Variants in HSD17B12 observed in about 807,000 individuals in gnomAD.
HSD17B12 encodes the protein hydroxysteroid 17-beta dehydrogenase 12.
HSD17B12 carries 32 observed loss-of-function variants against 39.3 expected under a neutral mutation model. That is an observed-to-expected ratio of 0.81 (90% confidence interval 0.61 to 1.09). The LOEUF is 1.09. HSD17B12 is among the 50% of genes least tolerant of loss of function. The pLI, the probability that HSD17B12 is intolerant of heterozygous loss-of-function variation, is 0.00. For missense variants in HSD17B12, 342 were observed against 382.9 expected (o/e 0.89, Z 0.89); for synonymous variants, 150 against 146.7 (o/e 1.02, Z -0.16).
chr11:43,635,722 A>G, the HSD17B12 span, among the ~76,000 whole-genome samples: 23 of 152,328 alleles, frequency 1.5e-4, no homozygotes, highest in African/African-American at 4.8e-4. Context: ...AAGTTTTGAA[A>G]ACATAAACTA....
At chr11:43,832,316 A>C (rs1326740692) in intron 7 of HSD17B12, among the ~76,000 whole-genome samples, 1 of 152,208 alleles carries the variant, frequency 6.6e-6, no homozygotes, top group Non-Finnish European at 1.5e-5. Flanking sequence ...AGAATAGTAA[A>C]TCTATCCATT....
chr11:43,601,314 C>T, the HSD17B12 span, among the ~76,000 whole-genome samples: 6 of 151,486 alleles, frequency 4.0e-5, no homozygotes, highest in Admixed American at 2.6e-4. Context: ...TTGCATGCTG[C>T]GTTTGTGTGT....
intron 1 of HSD17B12, among the ~76,000 whole-genome samples, chr11:43,714,970 A>G (rs1268334925): frequency 6.6e-6 from 1 of 152,068 alleles, no homozygotes; most frequent in Non-Finnish European, 1.5e-5. Context: ...TTGCACATTG[A>G]TTTTGTATCC....
chr11:43,577,237 T>A, the HSD17B12 span, among the ~76,000 whole-genome samples: 1 of 152,200 alleles, frequency 6.6e-6, no homozygotes, highest in Non-Finnish European at 1.5e-5. Flanking sequence ...TGGCGCCAGC[T>A]GCGGTTAGCC....
At position 43,791,541 on chromosome 11, in the gene HSD17B12, AAAG is replaced by A. The variant is rs550316458; in HGVS notation, c.284-6762_284-6760del. 3.7e-3 allele frequency among the ~76,000 whole-genome samples: 564 copies of A among 152,098 alleles called. 2 individuals are homozygous for A. The highest frequency in any genetic ancestry group is 0.01 in the African/African-American group (424 of 41,496). On this transcript the variant is annotated intron_variant, in intron 3 of 10. Transcript: ENST00000278353. ...AGTGAGACTCTGTCTCAAAAAAAAA[AAAG>A]AAGAAGAAGAAGAAGAGGAATATTT...
the HSD17B12 span, among the ~76,000 whole-genome samples, chr11:43,630,491 C>G: frequency 6.6e-6 from 1 of 152,134 alleles, no homozygotes; most frequent in Non-Finnish European, 1.5e-5. Flanking sequence ...GTAGGGGATA[C>G]TACCTTGGAG....
the HSD17B12 span, among the ~76,000 whole-genome samples, chr11:43,592,667 C>T: frequency 9.2e-5 from 14 of 152,180 alleles, no homozygotes; most frequent in Admixed American, 9.2e-4. Context: ...AGCAGACAGG[C>T]ACAACCTGGG....
the HSD17B12 span, among the ~76,000 whole-genome samples, chr11:43,585,739 A>G: frequency 6.6e-6 from 1 of 152,184 alleles, no homozygotes; most frequent in Non-Finnish European, 1.5e-5. Context: ...TCTTTGGGCA[A>G]TAGGGTTGTT....
At chr11:43,852,519 A>G (rs1236297594) in intron 9 of HSD17B12, 2 of 152,028 alleles carry the variant, frequency 1.3e-5, no homozygotes, top group Admixed American at 1.3e-4. Context: ...GAAATGAGAA[A>G]TGGTTTGCTT....
At chr11:43,842,587 G>C (rs1454092263) in intron 9 of HSD17B12, among the ~76,000 whole-genome samples, 1 of 152,146 alleles carries the variant, frequency 6.6e-6, no homozygotes, top group Non-Finnish European at 1.5e-5. Context: ...GTTCTATGTA[G>C]AATATGTTGT....
chr11:43,632,944 G>GA, the HSD17B12 span, among the ~76,000 whole-genome samples: 33 of 151,592 alleles, frequency 2.2e-4, no homozygotes, highest in South Asian at 4.2e-4. Flanking sequence ...TATTTAAAAA[G>GA]AAAAAAAACA....
the HSD17B12 span, among the ~76,000 whole-genome samples, chr11:43,593,042 T>C: frequency 2.0e-5 from 3 of 152,182 alleles, no homozygotes; most frequent in African/African-American, 7.2e-5. Context: ...AGTGATGTCA[T>C]GAAAATGCCG....
At chr11:43,844,459 T>C (rs1377404416) in intron 9 of HSD17B12, among the ~76,000 whole-genome samples, 1 of 152,136 alleles carries the variant, frequency 6.6e-6, no homozygotes, top group Non-Finnish European at 1.5e-5. Flanking sequence ...TATTTGATTT[T>C]GAACAGAGGA....
intron 4 of HSD17B12, among the ~76,000 whole-genome samples, chr11:43,814,965 A>T (rs1951107944): frequency 6.6e-6 from 1 of 152,214 alleles, no homozygotes; most frequent in Non-Finnish European, 1.5e-5. Context: ...TCTGGAGCGG[A>T]ACAAAATGCG....
the HSD17B12 span, chr11:43,673,126 G>GT: frequency 6.6e-6 from 1 of 152,138 alleles, no homozygotes; most frequent in Non-Finnish European, 1.5e-5. Context: ...TGTCCCAAAG[G>GT]ATTAAACAAG....
At chr11:43,617,649 G>A in the HSD17B12 span, among the ~76,000 whole-genome samples, 1 of 152,092 alleles carries the variant, frequency 6.6e-6, no homozygotes, top group Non-Finnish European at 1.5e-5. Flanking sequence ...AAATTCAGAG[G>A]AGAGTCTGTG....
chr11:43,835,129 A>G (rs1446145767), intron 7 of HSD17B12, among the ~76,000 whole-genome samples: 1 of 152,154 alleles, frequency 6.6e-6, no homozygotes, highest in African/African-American at 2.4e-5. Context: ...CAATCTTAGA[A>G]TTGTTCCCGA....
At chr11:43,579,020 C>G in the HSD17B12 span, 2 of 145,254 alleles carry the variant, frequency 1.4e-5, no homozygotes, top group Non-Finnish European at 3.0e-5. Flanking sequence ...CAGTTCATTC[C>G]GAACTGAGAA....
rs1950133595 is a variant in HSD17B12 at position 43,717,381 on chromosome 11, A to T, written c.161-33530A>T. On this transcript the variant is annotated intron_variant, in intron 1 of 10. Transcript: ENST00000278353. ...AAACCATATTAGAAATGTGTTTTTT[A>T]AAAATTCAAGAATTCATTCATTTCC... Among the ~76,000 whole-genome samples, 3 of 152,346 alleles carry T rather than the reference A, an allele frequency of 2.0e-5. No homozygotes were observed. The South Asian group carries it at 6.2e-4, about 32-fold the overall frequency.
Sources: allele counts gnomAD v4.1 joint callset (sites outside exome capture counted in the v4.1 genomes callset), GRCh38; gene constraint gnomAD v4.1.1; transcripts MANE v1.5; gene names NCBI Gene and HGNC (gene_info 2026-07-23, HGNC 2026-07-21).